C10orf105: variants seen among roughly 807,000 people sequenced by gnomAD.
C10orf105 encodes the protein chromosome 10 open reading frame 105, also known as uncharacterized protein C10orf105.
A neutral mutation model predicts 0.6 loss-of-function variants in C10orf105; 2 were observed. The observed-to-expected ratio is 3.18, with a 90% CI of 1.30 to 10.01. The LOEUF is 10.01. Among genes scored for constraint, C10orf105 ranks in the 30% most tolerant of loss-of-function variants. The probability of loss-of-function intolerance (pLI) is 0.04; values close to 1 mark genes in which losing one functional copy is unlikely to be tolerated. For missense variants in C10orf105, 209 were observed against 191.4 expected (o/e 1.09, Z -0.54); for synonymous variants, 95 against 82.4 (o/e 1.15, Z -0.83).
chr10:71,727,595 G>C (rs979880389), intron 1 of C10orf105, among the ~76,000 whole-genome samples: 78 of 152,322 alleles, frequency 5.1e-4, no homozygotes, highest in African/African-American at 1.8e-3. Context: ...GCCCCAGTGA[G>C]GGGCCGGGGA....
At chr10:71,737,692 C>T in intron 1 of C10orf105, 1 of 470,026 alleles carries the variant, frequency 2.1e-6, no homozygotes, top group Non-Finnish European at 4.4e-6. Flanking sequence ...GCTCCTCCAA[C>T]CCCCCTCACA....
intron 1 of C10orf105, among the ~76,000 whole-genome samples, chr10:71,737,457 A>G (rs1048721175): frequency 1.3e-5 from 2 of 152,224 alleles, no homozygotes. Context: ...CTGCCTACAG[A>G]TAGGGGAGTG....
rs1839483560 is a variant in C10orf105 at position 71,734,171 on chromosome 10, G to A, written c.-6+3557C>T. On this transcript the variant is annotated intron_variant, in intron 1 of 1. Transcript: ENST00000398786. ...GAGGAAGTGACATGGAGGTGGAAAA[G>A]TGGGCAGAATGACCAGGGTTAACAA... 4 of 1,300,972 alleles carry A rather than the reference G, an allele frequency of 3.1e-6. No individual in the cohort carries two copies. The South Asian group carries it at 5.0e-5, about 16-fold the overall frequency. 80.6% of individuals were successfully genotyped at this position (1,300,972 alleles called of 1,614,324 possible).
Position 71,716,288 on chromosome 10 carries a change from A to T in C10orf105, c.50T>A (p.Leu17His). ...SLASSPAISPLAFLSAPVTPG... is the reference protein window; with the variant it reads ...SLASSPAISPHAFLSAPVTPG... ...AGTGACGGGAGCTGAGAGAAAGGCG[A>T]GGGGGCTGATGGCTGGGGAGCTGGC... The change falls in exon 2 of 2, where the codon CTC becomes CAC. Residue 17 changes from leucine to histidine, a missense_variant. Coordinates refer to ENST00000441508, the MANE Select transcript of C10orf105 (RefSeq NM_001164375.3). 1 of 1,526,344 alleles carries T rather than the reference A, an allele frequency of 6.6e-7. No homozygotes were observed. Among genetic ancestry groups the T allele is most frequent in the Non-Finnish European group, 8.8e-7 (1 of 1,132,210 alleles). The allele number at this position is 1,526,344 out of a possible 1,614,324, so 94.6% of individuals were successfully genotyped here. A position where few individuals can be genotyped will look rare whatever the true frequency, so the allele number is the denominator to read the frequency against.
At position 71,715,764 on chromosome 10, in the gene C10orf105, T is replaced by A. The variant is rs1866187686; in HGVS notation, c.*172A>T. The stretch of plus-strand genomic sequence containing the variant: ...AGAGAGGAAGGTGCTCTTCTGAGGA[T>A]CATCTTTGGGAAAGGGCGCTGGCCT... On this transcript the variant is annotated 3_prime_UTR_variant, in exon 2 of 2. Coordinates refer to ENST00000441508, the MANE Select transcript of C10orf105 (RefSeq NM_001164375.3). 6 of 534,830 alleles carry A rather than the reference T, an allele frequency of 1.1e-5. No individual in the cohort carries two copies. The highest frequency in any genetic ancestry group is 4.0e-5 in the African/African-American group (2 of 50,294). The allele number at this position is 534,830 out of a possible 1,614,324, so 33.1% of individuals were successfully genotyped here.
At chr10:71,735,205 C>T (rs932607408) in intron 1 of C10orf105, among the ~76,000 whole-genome samples, 1 of 152,150 alleles carries the variant, frequency 6.6e-6, no homozygotes, top group Admixed American at 6.5e-5. Context: ...GGGGTTGGTG[C>T]AAGTGTGTGG....
At position 71,716,135 on chromosome 10, in the gene C10orf105, C is replaced by T. The variant is rs914629702; in HGVS notation, c.203G>A (p.Arg68His). 35 of 1,549,830 alleles carry T rather than the reference C, an allele frequency of 2.3e-5. No individual in the cohort carries two copies. Among genetic ancestry groups the T allele is most frequent in the African/African-American group, 2.7e-5 (2 of 73,002 alleles). ...GGGCATGCACTCGTGAGCCCTGCGGCGGCTCGGGTCCAGCGCGGCCGGCTT... is the reference window on the plus strand; with the variant it reads ...GGGCATGCACTCGTGAGCCCTGCGGTGGCTCGGGTCCAGCGCGGCCGGCTT... ...LCKPAALDPS[R>H]RRAHECMPHH... Residue 68 changes from arginine to histidine, a missense_variant, in exon 2 of 2, where the codon CGC becomes CAC. Transcript: ENST00000441508.
upstream of C10orf105, among the ~76,000 whole-genome samples, chr10:71,722,558 C>T (rs952416842): frequency 6.6e-6 from 1 of 152,184 alleles, no homozygotes; most frequent in African/African-American, 2.4e-5. Flanking sequence ...CCAGGGATAT[C>T]GCAGTGCACA....
chr10:71,718,193 G>A (rs537351714), intron 1 of C10orf105, among the ~76,000 whole-genome samples: 70 of 152,222 alleles, frequency 4.6e-4, no homozygotes, highest in African/African-American at 1.5e-3. Flanking sequence ...GTCAGGTCAC[G>A]CTCAGAGAAA....
chr10:71,727,677 G>A (rs943361865), intron 1 of C10orf105, among the ~76,000 whole-genome samples: 2 of 151,980 alleles, frequency 1.3e-5, no homozygotes, highest in African/African-American at 4.8e-5. Flanking sequence ...ACACACACAC[G>A]CACATATGCC....
At chr10:71,735,877 GCA>G (rs1839550130) in intron 1 of C10orf105, among the ~76,000 whole-genome samples, 2 of 152,216 alleles carry the variant, frequency 1.3e-5, no homozygotes, top group South Asian at 4.1e-4. Flanking sequence ...CAGCCGGTGA[GCA>G]GAGCGCTCGG....
At position 71,712,868 on chromosome 10, in the gene C10orf105, A is replaced by T; in HGVS notation, c.*3068T>A. ...GGTGGGCTGGGGGAGGCGGAGCCAC[A>T]CACGGCCCTGAGGGCACATGCTCAG... On this transcript the variant is annotated 3_prime_UTR_variant, in exon 2 of 2. Transcript: ENST00000441508. 6.3e-7 allele frequency: 1 copy of T among 1,580,406 alleles called. No individual in the cohort carries two copies. Among genetic ancestry groups the T allele is most frequent in the Non-Finnish European group, 8.6e-7 (1 of 1,160,958 alleles).
chr10:71,735,333 G>C (rs141351736), intron 1 of C10orf105, among the ~76,000 whole-genome samples: 1 of 152,166 alleles, frequency 6.6e-6, no homozygotes, highest in African/African-American at 2.4e-5. Flanking sequence ...CTGGGCCCCT[G>C]GGGGAGGGGG....
At chr10:71,733,361 A>G (rs540596171) in intron 1 of C10orf105, among the ~76,000 whole-genome samples, 1 of 152,282 alleles carries the variant, frequency 6.6e-6, no homozygotes, top group East Asian at 1.9e-4. Flanking sequence ...GCTTCATCAC[A>G]TAGGTACGAT....
At chr10:71,722,381 T>C (rs1414395743), upstream of C10orf105, among the ~76,000 whole-genome samples, 1 of 152,238 alleles carries the variant, frequency 6.6e-6, no homozygotes, top group Non-Finnish European at 1.5e-5. Context: ...GAGGCACAGA[T>C]GGGCTCCTGG....
chr10:71,723,030 C>T (rs556502511), upstream of C10orf105, among the ~76,000 whole-genome samples: 1 of 152,302 alleles, frequency 6.6e-6, no homozygotes, highest in South Asian at 2.1e-4. Context: ...CAGTCCTGGA[C>T]CAATCCCCTC....
intron 1 of C10orf105, chr10:71,732,691 A>G (rs1839431777): frequency 7.6e-7 from 1 of 1,314,066 alleles, no homozygotes; most frequent in Admixed American, 3.4e-5. Flanking sequence ...ATCCATTTTC[A>G]TATGTAGGAG....
In C10orf105 at chr10:71,716,059, C is replaced by G. The variant is rs770226841; in HGVS notation, c.279G>C (p.Leu93=). ...SEPQLRLWKR[L]GSLRLSLHSF... ...TGTGCAGGGAGAGGCGCAAGGAGCCCAGGCGCTTCCAGAGCCGGAGCTGGG... is the reference window on the plus strand; with the variant it reads ...TGTGCAGGGAGAGGCGCAAGGAGCCGAGGCGCTTCCAGAGCCGGAGCTGGG... Residue 93 remains leucine (L), a synonymous_variant, in exon 2 of 2, where the codon CTG becomes CTC. Coordinates refer to ENST00000441508, the MANE Select transcript of C10orf105 (RefSeq NM_001164375.3). The G allele has an allele frequency of 3.0e-5, 45 of 1,512,330 alleles. No individual in the cohort carries two copies. In the African/African-American group the frequency reaches 5.2e-4, roughly 17 times the overall value. The allele number at this position is 1,512,330 out of a possible 1,614,324, so 93.7% of individuals were successfully genotyped here.
intron 1 of C10orf105, chr10:71,734,379 C>A: frequency 6.4e-7 from 1 of 1,561,226 alleles, no homozygotes; most frequent in South Asian, 1.2e-5. Flanking sequence ...CAGGTGCGGC[C>A]CATCGCTGGC....
Sources: gnomAD v4.1 joint callset for allele counts (sites outside exome capture counted in the v4.1 genomes callset) on GRCh38, gnomAD v4.1.1 for gene constraint, MANE v1.5 for transcripts, NCBI Gene and HGNC (gene_info 2026-07-23, HGNC 2026-07-21) for gene names.